Variants in ALK observed in about 807,000 individuals in gnomAD.
ALK encodes the protein ALK receptor tyrosine kinase, also known as ALK tyrosine kinase receptor.
In ALK, 74 loss-of-function variants were observed where a neutral mutation model predicts 163.1. The ratio of observed to expected loss-of-function variants is 0.45; its 90% CI spans 0.38 to 0.55. The LOEUF is 0.55. Ranked by LOEUF, ALK falls within the 20% of genes least tolerant of loss-of-function variation. The probability of loss-of-function intolerance (pLI) is 0.00; values close to 1 mark genes in which losing one functional copy is unlikely to be tolerated. For missense variants in ALK, 2,063 were observed against 2,105.3 expected, an observed-to-expected ratio of 0.98 and a Z score of 0.39; for synonymous variants, 960 against 843.2, an observed-to-expected ratio of 1.14 and a Z score of -2.40.
chr2:29,547,470 G>A (rs570542391), intron 3 of ALK, among the ~76,000 whole-genome samples: 110 of 152,206 alleles, frequency 7.2e-4, no homozygotes, highest in South Asian at 6.4e-3. Context: ...GGTGGCGTGC[G>A]CCTGTAGTCC....
At chr2:29,325,276 C>T (rs1424874948) in intron 6 of ALK, among the ~76,000 whole-genome samples, 1 of 152,180 alleles carries the variant, frequency 6.6e-6, no homozygotes, top group Non-Finnish European at 1.5e-5. Flanking sequence ...TTCCAGACCA[C>T]CTGGAAAGAG....
At chr2:29,765,524 C>T (rs1680836670) in intron 1 of ALK, among the ~76,000 whole-genome samples, 1 of 152,128 alleles carries the variant, frequency 6.6e-6, no homozygotes, top group Non-Finnish European at 1.5e-5. Flanking sequence ...GTTGCCCAGG[C>T]TGGTCTCAAA....
chr2:29,718,484 C>G (rs183970947), intron 1 of ALK, among the ~76,000 whole-genome samples: 1 of 152,210 alleles, frequency 6.6e-6, no homozygotes, highest in Admixed American at 6.5e-5. Context: ...GCAGACAAAG[C>G]CTTTTTTGTT....
Position 29,728,570 on chromosome 2 carries a change from G to A in ALK, c.668-10873C>T, listed in dbSNP as rs148409435. 4.2e-3 allele frequency among the ~76,000 whole-genome samples: 643 copies of A among 152,322 alleles called. 6 individuals carry two copies. The highest frequency in any genetic ancestry group is 0.015 in the African/African-American group (629 of 41,560). On this transcript the variant is annotated intron_variant, in intron 1 of 28. Coordinates refer to ENST00000389048, the MANE Select transcript of ALK (RefSeq NM_004304.5). ...GAGACAGACACAACCCTATGAGAACGTATGATGAGGGATCTGACTTCATTA... is the reference window on the plus strand; with the variant it reads ...GAGACAGACACAACCCTATGAGAACATATGATGAGGGATCTGACTTCATTA...
chr2:29,230,893 G>C (rs1241552389), intron 15 of ALK, among the ~76,000 whole-genome samples: 1 of 152,194 alleles, frequency 6.6e-6, no homozygotes, highest in African/African-American at 2.4e-5. Flanking sequence ...ATCAGAACGA[G>C]ATGGACGGAG....
chr2:29,247,760 G>A (rs530197727), intron 12 of ALK, among the ~76,000 whole-genome samples: 115 of 152,250 alleles, frequency 7.6e-4, no homozygotes, highest in African/African-American at 2.7e-3. Flanking sequence ...CCAGCAGTGG[G>A]CAGAGAAGTC....
intron 1 of ALK, among the ~76,000 whole-genome samples, chr2:29,865,970 G>C (rs1666425431): frequency 6.6e-6 from 1 of 152,194 alleles, no homozygotes; most frequent in South Asian, 2.1e-4. Flanking sequence ...GATAGGGGCA[G>C]TATGTTATCT....
intron 1 of ALK, among the ~76,000 whole-genome samples, chr2:29,866,803 A>G (rs866862664): frequency 1.7e-4 from 26 of 152,328 alleles, no homozygotes; most frequent in Middle Eastern, 3.4e-3. Flanking sequence ...ATGGAGCACA[A>G]GTCACCTGTT....
chr2:29,228,966 C>A lies in ALK; in HGVS notation c.2733G>T (p.Lys911Asn). Reference sequence around the variant, plus strand: ...CCCCTCTTGTCTCCCACCCCCACTTCTTCATGGCCTGGGGGCAGGAATGTC... The same window carrying A: ...CCCCTCTTGTCTCCCACCCCCACTTATTCATGGCCTGGGGGCAGGAATGTC... ...TGGHSCPQAMKKWGWETRGGF... is the reference protein window; with the variant it reads ...TGGHSCPQAMNKWGWETRGGF... Residue 911 changes from lysine (K) to asparagine (N), a missense_variant, in exon 16 of 29, where the codon AAG (lysine) becomes AAT (asparagine). By Grantham distance (94) the Lys-to-Asn change is moderately conservative. This residue lies in a region of ALK where 575 missense variants were observed against 626.6 expected (regional missense o/e 0.92). Coordinates refer to ENST00000389048, the MANE Select transcript of ALK (RefSeq NM_004304.5). The A allele has an allele frequency of 7.5e-7, 1 of 1,339,616 alleles. No individual in the cohort carries two copies. The highest frequency in any genetic ancestry group is 1.5e-5 in the African/African-American group (1 of 65,560). 83.0% of individuals were successfully genotyped at this position (1,339,616 alleles called of 1,614,324 possible). A position where few individuals can be genotyped will look rare whatever the true frequency, so the allele number is the denominator to read the frequency against.
At chr2:29,216,606 T>A (rs1333793169) in intron 23 of ALK, among the ~76,000 whole-genome samples, 6 of 152,136 alleles carry the variant, frequency 3.9e-5, no homozygotes, top group Middle Eastern at 3.4e-3. Context: ...GGGTGTCTGG[T>A]GTGTACGTGT....
chr2:29,855,842 GTTTA>G (rs1666124788), intron 1 of ALK, among the ~76,000 whole-genome samples: 2 of 152,064 alleles, frequency 1.3e-5, no homozygotes, highest in Admixed American at 1.3e-4. Flanking sequence ...TTATTTAGTT[GTTTA>G]TTTCCCTATA....
At chr2:29,833,042 C>G (rs1220781704) in intron 1 of ALK, among the ~76,000 whole-genome samples, 2 of 152,102 alleles carry the variant, frequency 1.3e-5, no homozygotes, top group Non-Finnish European at 2.9e-5. Context: ...GTGCACAGCC[C>G]AGAGAGCACT....
At chr2:29,274,710 C>A (rs1384724931) in intron 11 of ALK, among the ~76,000 whole-genome samples, 1 of 152,194 alleles carries the variant, frequency 6.6e-6, no homozygotes, top group Non-Finnish European at 1.5e-5. Flanking sequence ...CTTTGTGCAA[C>A]AGATAACCTT....
At chr2:29,442,472 G>C (rs984981896) in intron 4 of ALK, among the ~76,000 whole-genome samples, 15 of 152,170 alleles carry the variant, frequency 9.9e-5, no homozygotes, top group Admixed American at 7.2e-4. Context: ...CACTGTCTGA[G>C]AGTATTGGTA....
Position 29,511,801 on chromosome 2 carries a change from A to G in ALK, c.1154+20114T>C, listed in dbSNP as rs535380681. Among the ~76,000 whole-genome samples the G allele has an allele frequency of 9.2e-5, 14 of 152,310 alleles. No individual in the cohort carries two copies. The South Asian group carries it at 2.5e-3, about 27-fold the overall frequency. ...CTAGTTCCTTTATATCCTTAACAAC[A>G]CTTGGTATGGTTAGTCTTTCTAATT... is the stretch of plus-strand genomic sequence containing the variant. On this transcript the variant is annotated intron_variant, in intron 4 of 28. Coordinates refer to ENST00000389048, the MANE Select transcript of ALK (RefSeq NM_004304.5).
intron 2 of ALK, among the ~76,000 whole-genome samples, chr2:29,714,287 G>A (rs920235600): frequency 2.0e-5 from 3 of 152,082 alleles, no homozygotes; most frequent in Non-Finnish European, 2.9e-5. Flanking sequence ...GGCGAGAAAC[G>A]ACTGGAATCT....
Position 29,514,054 on chromosome 2 carries a change from A to G in ALK, c.1154+17861T>C, listed in dbSNP as rs1349298788. Among the ~76,000 whole-genome samples the G allele has an allele frequency of 2.0e-4, 20 of 100,818 alleles. 5 individuals carry two copies. Among genetic ancestry groups the G allele is most frequent in the African/African-American group, 8.2e-4 (20 of 24,472 alleles). 66.1% of individuals were successfully genotyped at this position (100,818 alleles called of 152,430 possible). On this transcript the variant is annotated intron_variant, in intron 4 of 28. Transcript: ENST00000389048. ...GGAACACTTTTACACTGTTGGTGAG[A>G]CTGTAAACTAGTTCAACCATTGTGG...
intron 4 of ALK, among the ~76,000 whole-genome samples, chr2:29,478,434 C>T (rs1399066296): frequency 6.6e-6 from 1 of 152,234 alleles, no homozygotes; most frequent in Admixed American, 6.5e-5. Context: ...GTGCTCCCAT[C>T]ACTGGGCATA....
chr2:29,502,055 C>G (rs1558353852), intron 4 of ALK, among the ~76,000 whole-genome samples: 1 of 152,128 alleles, frequency 6.6e-6, no homozygotes, highest in Admixed American at 6.5e-5. Context: ...TTTGTTTATC[C>G]ATTTATCTCT....
Sources: allele counts gnomAD v4.1 joint callset (sites outside exome capture counted in the v4.1 genomes callset), GRCh38; gene constraint gnomAD v4.1.1; regional missense constraint gnomAD v4.1.1; transcripts MANE v1.5; gene names NCBI Gene and HGNC (gene_info 2026-07-23, HGNC 2026-07-21).